The following KAZN variants were observed in gnomAD, a reference collection of about 807,000 sequenced individuals.
KAZN encodes the protein kazrin, periplakin interacting protein.
In KAZN, 40 loss-of-function variants were observed where a neutral mutation model predicts 87.4. That is an observed-to-expected ratio of 0.46 (90% CI 0.36 to 0.60). The LOEUF is 0.60. KAZN is among the 20% of genes least tolerant of loss of function. KAZN has a pLI of 0.00. For missense variants in KAZN, 898 were observed against 1,073.9 expected (o/e 0.84, Z 2.29); for synonymous variants, 466 against 458.3 (o/e 1.02, Z -0.22).
At chr1:15,055,977 T>C (rs1638240448) in intron 4 of KAZN, 114 bp from the exon 5 acceptor site, 4 of 1,007,264 alleles carry the variant, frequency 4.0e-6, no homozygotes, top group African/African-American at 1.6e-5. Context: ...GAGCCAGCAA[T>C]ACCCGGTGCA....
chr1:14,444,061 A>G (rs1264431176), intron 2 of KAZN, among the ~76,000 whole-genome samples: 1 of 152,136 alleles, frequency 6.6e-6, no homozygotes, highest in East Asian at 1.9e-4. Context: ...ATTTTTTCTC[A>G]TTGAACCTAC....
intron 1 of KAZN, among the ~76,000 whole-genome samples, chr1:14,078,004 C>T (rs1570683789): frequency 6.6e-6 from 1 of 152,220 alleles, no homozygotes; most frequent in South Asian, 2.1e-4. Flanking sequence ...TTCTGTTCTC[C>T]AAGACTGCGA....
At chr1:14,504,197 C>A (rs1005576525) in intron 2 of KAZN, among the ~76,000 whole-genome samples, 1 of 152,088 alleles carries the variant, frequency 6.6e-6, no homozygotes, top group African/African-American at 2.4e-5. Context: ...TGTCTCTGAA[C>A]AACAAGATGG....
chr1:14,628,839 A>G (rs1022954500), intron 1 of KAZN, among the ~76,000 whole-genome samples: 3 of 140,554 alleles, frequency 2.1e-5, no homozygotes, highest in Non-Finnish European at 4.5e-5. Flanking sequence ...CATCTTTCAC[A>G]TTCTTTTTTT....
chr1:14,990,514 G>A (rs1196651227), intron 2 of KAZN, among the ~76,000 whole-genome samples: 3 of 152,116 alleles, frequency 2.0e-5, no homozygotes, highest in East Asian at 1.9e-4. Flanking sequence ...ATGAGCCACC[G>A]CACCCAGCCT....
At chr1:14,383,618 A>C (rs958451028) in intron 2 of KAZN, among the ~76,000 whole-genome samples, 1 of 151,940 alleles carries the variant, frequency 6.6e-6, no homozygotes, top group Non-Finnish European at 1.5e-5. Flanking sequence ...CAAAGATCAG[A>C]TAGTTGTAGA....
intron 2 of KAZN, among the ~76,000 whole-genome samples, chr1:14,329,604 C>T (rs1005099875): frequency 6.6e-6 from 1 of 152,110 alleles, no homozygotes; most frequent in Non-Finnish European, 1.5e-5. Context: ...TCTGCCCACT[C>T]CAAAGACCAT....
At chr1:14,362,745 C>T (rs979644425) in intron 2 of KAZN, among the ~76,000 whole-genome samples, 2 of 152,200 alleles carry the variant, frequency 1.3e-5, no homozygotes, top group African/African-American at 2.4e-5. Context: ...TAAGAGGCTA[C>T]ATCATATTTG....
intron 1 of KAZN, among the ~76,000 whole-genome samples, chr1:14,606,904 A>G (rs1163795151): frequency 5.3e-5 from 8 of 152,202 alleles, no homozygotes; most frequent in African/African-American, 1.7e-4. Flanking sequence ...CTTCAGGTCA[A>G]AATTATCCCT....
rs1572368944 is a variant in KAZN at position 14,741,036 on chromosome 1, A to G, written c.226+141813A>G. On this transcript the variant is annotated intron_variant, in intron 1 of 14. Coordinates refer to ENST00000376030, the MANE Select transcript of KAZN (RefSeq NM_201628.3). ...TTCTCTGGGGGTGCAGCCTCCAGGC[A>G]GCTGGGGCAGGATCATGCCCTCACT... 2.6e-5 allele frequency among the ~76,000 whole-genome samples: 4 copies of G among 152,300 alleles called. No homozygotes were observed. In the East Asian group the frequency reaches 7.7e-4, roughly 29 times the overall value.
intron 1 of KAZN, among the ~76,000 whole-genome samples, chr1:14,080,372 G>A (rs960646522): frequency 1.1e-5 from 1 of 93,512 alleles, no homozygotes; most frequent in Non-Finnish European, 2.5e-5. Flanking sequence ...GGAAATACAC[G>A]GGGGAAACTA....
chr1:14,492,525 C>T (rs1235113549), intron 2 of KAZN, among the ~76,000 whole-genome samples: 2 of 150,678 alleles, frequency 1.3e-5, no homozygotes, highest in African/African-American at 4.9e-5. Context: ...GCAGACATGG[C>T]CAGAAAAAGC....
intron 1 of KAZN, among the ~76,000 whole-genome samples, chr1:14,697,434 C>T (rs1467733060): frequency 2.6e-5 from 4 of 152,210 alleles, no homozygotes; most frequent in South Asian, 2.1e-4. Flanking sequence ...ACCTCCTGTC[C>T]GTAAGCATGC....
intron 1 of KAZN, among the ~76,000 whole-genome samples, chr1:13,959,977 A>T (rs761867540): frequency 6.6e-6 from 1 of 152,124 alleles, no homozygotes; most frequent in Non-Finnish European, 1.5e-5. Context: ...ACGGATACAG[A>T]CTATTCCTTC....
intron 2 of KAZN, among the ~76,000 whole-genome samples, chr1:14,466,673 A>AAAG (rs1553176379): frequency 9.9e-5 from 14 of 141,598 alleles, no homozygotes; most frequent in Non-Finnish European, 1.6e-4. Flanking sequence ...AAAAAAAAAA[A>AAAG]AAGAAGAAGA....
In KAZN at chr1:14,571,725, G is replaced by A. The variant is rs542124784; in HGVS notation, c.250-27258G>A. On this transcript the variant is annotated intron_variant, in intron 2 of 16. Transcript: ENST00000636203. ...GGACTGTGAGACTCCGGGCCAGGGT[G>A]AATGGTGGTACCTCCCCTCCGCCAA... Among the ~76,000 whole-genome samples, 6 of 152,246 alleles carry A rather than the reference G, an allele frequency of 3.9e-5. 1 individual carries two copies. The highest frequency in any genetic ancestry group is 1.4e-4 in the African/African-American group (6 of 41,528).
At chr1:14,341,728 A>C (rs139407226) in intron 2 of KAZN, among the ~76,000 whole-genome samples, 1 of 151,766 alleles carries the variant, frequency 6.6e-6, no homozygotes, top group South Asian at 2.1e-4. Context: ...TTCCCAACCA[A>C]CACCTGCTCT....
At chr1:14,688,840 G>C (rs1244156264) in intron 1 of KAZN, among the ~76,000 whole-genome samples, 1 of 152,234 alleles carries the variant, frequency 6.6e-6, no homozygotes. Flanking sequence ...TTTCACAGCT[G>C]AGAGGACAAA....
chr1:14,397,599 G>A (rs1367480945), intron 2 of KAZN, among the ~76,000 whole-genome samples: 1 of 152,102 alleles, frequency 6.6e-6, no homozygotes, highest in African/African-American at 2.4e-5. Flanking sequence ...GTTCATGCCT[G>A]TAATCCCAAC....
Sources: gnomAD v4.1 joint callset for allele counts (sites outside exome capture counted in the v4.1 genomes callset) on GRCh38, gnomAD v4.1.1 for gene constraint, MANE v1.5 for transcripts, NCBI Gene and HGNC (gene_info 2026-07-23, HGNC 2026-07-21) for gene names.